DENND2A: variants seen among roughly 807,000 people sequenced by gnomAD.
DENND2A encodes the protein DENN domain-containing protein 2A.
Under a neutral mutation model 105.3 loss-of-function variants are expected in DENND2A, and 53 were observed. That is an observed-to-expected ratio of 0.50 (90% confidence interval 0.40 to 0.63). The LOEUF (loss-of-function observed/expected upper bound fraction) is 0.63. Ranked by LOEUF, DENND2A falls within the 30% of genes least tolerant of loss-of-function variation. DENND2A has a pLI of 0.00. For synonymous variants in DENND2A, 522 were observed against 508.4 expected, an observed-to-expected ratio of 1.03 and a Z score of -0.36; for missense variants, 1,138 against 1,279.6, an observed-to-expected ratio of 0.89 and a Z score of 1.69.
rs557775100 is a variant in DENND2A at position 140,608,618 on chromosome 7, G to T, written c.-247-2812C>A. ...TTGAGCCCAGCAGATGGAGGTTGCA[G>T]TGAGCTGAGACTGAACCACTGCACT... On this transcript the variant is annotated intron_variant, in intron 1 of 19. Coordinates refer to ENST00000496613, the MANE Select transcript of DENND2A (RefSeq NM_015689.5). Among the ~76,000 whole-genome samples the T allele has an allele frequency of 5.9e-5, 9 of 151,686 alleles. No homozygotes were observed. The East Asian group carries it at 1.7e-3, about 29-fold the overall frequency.
In DENND2A at chr7:140,523,434, A is replaced by G; in HGVS notation, c.2548-10T>C. The stretch of plus-strand genomic sequence containing the variant: ...AGTCCTCATCGTCCATCTGGAAAGC[A>G]GAGGTAGCAGGTGGGCTTATGGGCA... On this transcript the variant is annotated splice_polypyrimidine_tract_variant and intron_variant, in intron 16 of 19. Coordinates refer to ENST00000496613, the MANE Select transcript of DENND2A (RefSeq NM_015689.5). The surrounding 1 kb of genome is among the most constrained non-coding windows in gnomAD (Gnocchi z 4.5). 2 of 1,613,808 alleles carry G rather than the reference A, an allele frequency of 1.2e-6. No homozygotes were observed. The highest frequency in any genetic ancestry group is 1.7e-6 in the Non-Finnish European group (2 of 1,179,766).
At chr7:140,612,804 G>A (rs1461140884) in intron 1 of DENND2A, among the ~76,000 whole-genome samples, 1 of 151,724 alleles carries the variant, frequency 6.6e-6, no homozygotes, top group African/African-American at 2.4e-5. Context: ...GTCCAGCCCT[G>A]TTACACTAAA....
At chr7:140,631,870 G>A (rs927049278) in intron 1 of DENND2A, among the ~76,000 whole-genome samples, 4 of 152,214 alleles carry the variant, frequency 2.6e-5, no homozygotes, top group South Asian at 2.1e-4. Flanking sequence ...AAGCTGCTTC[G>A]GGAAGTTCCT....
At chr7:140,532,413 C>A (rs1796303616) in intron 14 of DENND2A, among the ~76,000 whole-genome samples, 1 of 152,162 alleles carries the variant, frequency 6.6e-6, no homozygotes, top group African/African-American at 2.4e-5. Context: ...TGGTCCATTT[C>A]CCTAGTCTTT....
At chr7:140,629,521 G>A (rs1050111883) in intron 1 of DENND2A, among the ~76,000 whole-genome samples, 2 of 152,318 alleles carry the variant, frequency 1.3e-5, no homozygotes, top group Admixed American at 1.3e-4. Context: ...CCGGCAGCAG[G>A]CTAGATGTTG....
Position 140,602,048 on chromosome 7 carries a change from A to C in DENND2A, c.350T>G (p.Val117Gly), listed in dbSNP as rs1339310652. The C allele has an allele frequency of 6.2e-7, 1 of 1,613,990 alleles. No individual in the cohort carries two copies. The highest frequency in any genetic ancestry group is 1.1e-5 in the South Asian group (1 of 91,070). Residue 117 changes from valine to glycine, a missense_variant, in exon 3 of 20, where the codon GTC becomes GGC. By Grantham distance (109) the Val-to-Gly change is moderately radical. Around this residue, in one of 2 missense-constraint regions of DENND2A, gnomAD observed 511 missense variants for 499.9 expected, o/e 1.02. Transcript: ENST00000496613. ...EKERNKGAVNVGGQDPEPGQD... is the reference protein window; with the variant it reads ...EKERNKGAVNGGGQDPEPGQD... ...CCCCGGCTCTGGGTCCTGTCCCCCG[A>C]CGTTCACTGCTCCTTTATTCCTCTC...
intron 19 of DENND2A, among the ~76,000 whole-genome samples, chr7:140,519,138 G>T (rs2130441803): frequency 6.6e-6 from 1 of 152,304 alleles, no homozygotes; most frequent in East Asian, 1.9e-4. Flanking sequence ...CAGGCCCTCT[G>T]GGAGGGCCTC....
chr7:140,639,508 T>C (rs928134816), intron 1 of DENND2A, among the ~76,000 whole-genome samples: 1 of 152,112 alleles, frequency 6.6e-6, no homozygotes, highest in African/African-American at 2.4e-5. Context: ...CGTCCCACGC[T>C]GCCCACCCAG....
At chr7:140,623,228 T>C (rs1308071255) in intron 1 of DENND2A, among the ~76,000 whole-genome samples, 1 of 149,738 alleles carries the variant, frequency 6.7e-6, no homozygotes, top group Non-Finnish European at 1.5e-5. Context: ...TGCAGAAGGA[T>C]TGATTGAACC....
At chr7:140,557,883 G>GCTGGTCTCGAACTC (rs1188363856) in intron 11 of DENND2A, among the ~76,000 whole-genome samples, 2 of 151,984 alleles carry the variant, frequency 1.3e-5, no homozygotes, top group African/African-American at 4.8e-5. Flanking sequence ...TGTTGCCCGG[G>GCTGGTCTCGAACTC]CTGGTCTCGA....
chr7:140,591,392 A>G (rs1310778760), intron 3 of DENND2A, among the ~76,000 whole-genome samples: 3 of 152,196 alleles, frequency 2.0e-5, no homozygotes, highest in Admixed American at 1.3e-4. Context: ...TAGCAGCTCT[A>G]TTTCCTGTAT....
At chr7:140,584,587 A>G (rs1356390133) in intron 5 of DENND2A, among the ~76,000 whole-genome samples, 1 of 152,200 alleles carries the variant, frequency 6.6e-6, no homozygotes, top group Non-Finnish European at 1.5e-5. Context: ...CAATAAGGTT[A>G]TATTATCTAT....
intron 17 of DENND2A, among the ~76,000 whole-genome samples, chr7:140,522,302 G>A (rs1325491483): frequency 6.6e-6 from 1 of 152,138 alleles, no homozygotes; most frequent in Non-Finnish European, 1.5e-5. Context: ...TGTTAAAAAA[G>A]TTTTTATTTT....
intron 10 of DENND2A, among the ~76,000 whole-genome samples, chr7:140,558,438 G>A (rs1236528608): frequency 1.3e-5 from 2 of 152,170 alleles, no homozygotes; most frequent in African/African-American, 2.4e-5. Flanking sequence ...GCTCATGCCT[G>A]TAATCCCAGC....
chr7:140,634,579 T>C (rs1228415201), intron 1 of DENND2A, among the ~76,000 whole-genome samples: 1 of 152,116 alleles, frequency 6.6e-6, no homozygotes, highest in African/African-American at 2.4e-5. Context: ...ATTAGAAATT[T>C]AAAATTTTTG....
chr7:140,552,968 G>T (rs1335975703), intron 12 of DENND2A, among the ~76,000 whole-genome samples: 3 of 152,146 alleles, frequency 2.0e-5, no homozygotes, highest in Non-Finnish European at 2.9e-5. Flanking sequence ...CTTTTTTATA[G>T]AAATGCTTTT....
intron 8 of DENND2A, among the ~76,000 whole-genome samples, 166 bp downstream of exon 8, chr7:140,568,597 G>A (rs551015602): frequency 6.6e-5 from 10 of 152,252 alleles, no homozygotes; most frequent in Middle Eastern, 3.4e-3. Flanking sequence ...TGCCCATGAC[G>A]GACCGGCTCT....
At chr7:140,549,864 A>T (rs1298237531) in intron 12 of DENND2A, among the ~76,000 whole-genome samples, 2 of 152,226 alleles carry the variant, frequency 1.3e-5, no homozygotes, top group African/African-American at 4.8e-5. Context: ...ATCAATGGAT[A>T]AATGGATAAA....
chr7:140,560,321 G>A (rs988768127), intron 9 of DENND2A, among the ~76,000 whole-genome samples: 4 of 152,150 alleles, frequency 2.6e-5, no homozygotes, highest in East Asian at 1.9e-4. Context: ...AGAAGGAAGC[G>A]TGACACCATC....
Sources: gnomAD v4.1 joint callset for allele counts (sites outside exome capture counted in the v4.1 genomes callset) on GRCh38, gnomAD v4.1.1 for gene constraint, gnomAD v4.1.1 regional missense constraint, Gnocchi (gnomAD v3.1) non-coding constraint, MANE v1.5 for transcripts, NCBI Gene and HGNC (gene_info 2026-07-23, HGNC 2026-07-21) for gene names.